EVC: variants seen among roughly 807,000 people sequenced by gnomAD.
EVC encodes evC complex member EVC.
EVC carries 116 observed loss-of-function variants against 118.9 expected under a neutral mutation model. The ratio of observed to expected loss-of-function variants is 0.98; its 90% CI spans 0.84 to 1.14. The LOEUF is 1.14. Among genes scored for constraint, EVC ranks in the 50% most tolerant of loss-of-function variants. The pLI, the probability that EVC is intolerant of heterozygous loss-of-function variation, is 0.00. For missense variants in EVC, 1,401 were observed against 1,246.4 expected (o/e 1.12, Z -1.87); for synonymous variants, 619 against 534.7 (o/e 1.16, Z -2.18).
At chr4:5,730,710 G>C (rs1266504035) in intron 3 of EVC, among the ~76,000 whole-genome samples, 1 of 151,996 alleles carries the variant, frequency 6.6e-6, no homozygotes, top group African/African-American at 2.4e-5. Context: ...CCTGGAGGAA[G>C]GGACGCTTCT....
Position 5,752,692 on chromosome 4 carries a change from G to T in EVC, c.1099-144G>T, listed in dbSNP as rs60938393. On this transcript the variant is annotated intron_variant, in intron 8 of 20. Coordinates refer to ENST00000264956, the MANE Select transcript of EVC (RefSeq NM_153717.3). ...ACGCAGATCTCGCTCATGAAGGAGA[G>T]GGGGAGTTCATCCCTCTGAGCTCCG... 14,314 of 821,702 alleles carry T rather than the reference G, an allele frequency of 0.017. 1,306 individuals carry two copies. The African/African-American group carries it at 0.2, about 12-fold the overall frequency. The allele number at this position is 821,702 out of a possible 1,614,324, so 50.9% of individuals were successfully genotyped here.
chr4:5,799,025 G>T (rs538003064), intron 15 of EVC, among the ~76,000 whole-genome samples: 8 of 152,134 alleles, frequency 5.3e-5, no homozygotes, highest in African/African-American at 1.7e-4. Context: ...TAGGCCCTGC[G>T]CTGCATCATC....
intron 11 of EVC, among the ~76,000 whole-genome samples, chr4:5,771,454 A>T (rs10008800): frequency 6.6e-6 from 1 of 151,932 alleles, no homozygotes; most frequent in African/African-American, 2.4e-5. Context: ...TCTTCTTTCC[A>T]TCTCAGGATC....
chr4:5,750,773 G>A (rs1730226600), intron 8 of EVC, among the ~76,000 whole-genome samples: 1 of 152,146 alleles, frequency 6.6e-6, no homozygotes, highest in East Asian at 1.9e-4. Flanking sequence ...AGGAGAAATA[G>A]ACAGCAAAAA....
chr4:5,739,945 A>G (rs1430911698), intron 5 of EVC, among the ~76,000 whole-genome samples: 2 of 151,862 alleles, frequency 1.3e-5, no homozygotes, highest in Non-Finnish European at 2.9e-5. Context: ...GAAAAAGAAA[A>G]TGCCTTATTA....
chr4:5,764,234 G>T (rs1472258668), intron 11 of EVC, among the ~76,000 whole-genome samples: 1 of 142,288 alleles, frequency 7.0e-6, no homozygotes, highest in African/African-American at 2.7e-5. Context: ...AACCAGCCTT[G>T]CATCCCAGGG....
chr4:5,718,385 C>T (rs994028058), intron 1 of EVC, among the ~76,000 whole-genome samples: 2 of 152,036 alleles, frequency 1.3e-5, no homozygotes, highest in African/African-American at 2.4e-5. Flanking sequence ...CTGAATGAAG[C>T]TTCTGTAACA....
rs756430334 is a variant in EVC at position 5,753,040 on chromosome 4, C to T, written c.1303C>T (p.Arg435Cys). The T allele has an allele frequency of 2.1e-5, 34 of 1,597,892 alleles. No individual in the cohort carries two copies. Among genetic ancestry groups the T allele is most frequent in the African/African-American group, 2.7e-5 (2 of 74,778 alleles). ...QHKAFWQEAERFSREFVQRGK... is the reference protein window; with the variant it reads ...QHKAFWQEAECFSREFVQRGK... ...CAAGGCCTTCTGGCAGGAGGCAGAGCGCTTCAGCCGGGGTGAGCCGTGGGC... is the reference window on the plus strand; with the variant it reads ...CAAGGCCTTCTGGCAGGAGGCAGAGTGCTTCAGCCGGGGTGAGCCGTGGGC... Residue 435 changes from arginine to cysteine, a missense_variant, in exon 9 of 21, where the codon CGC becomes TGC. By Grantham distance (180) the Arg-to-Cys change is radical (BLOSUM62 -3). Coordinates refer to ENST00000264956, the MANE Select transcript of EVC (RefSeq NM_153717.3).
downstream of EVC, among the ~76,000 whole-genome samples, chr4:5,814,524 CA>C (rs1399928474): frequency 6.6e-6 from 1 of 152,152 alleles, no homozygotes; most frequent in Non-Finnish European, 1.5e-5. Context: ...TTCTCCAACG[CA>C]AATCTGCCTG....
chr4:5,826,531 G>C, the EVC span: 1 of 152,328 alleles, frequency 6.6e-6, no homozygotes, highest in Non-Finnish European at 1.5e-5. Flanking sequence ...CACTGGGAAA[G>C]GGTTGTGGGG....
intron 11 of EVC, among the ~76,000 whole-genome samples, chr4:5,776,373 G>A (rs1462226970): frequency 7.2e-5 from 11 of 152,042 alleles, no homozygotes; most frequent in Non-Finnish European, 1.3e-4. Context: ...GGTGCTGGCC[G>A]TTCATTTATT....
At chr4:5,796,160 G>A (rs989868428) in intron 13 of EVC, among the ~76,000 whole-genome samples, 3 of 151,944 alleles carry the variant, frequency 2.0e-5, no homozygotes, top group Non-Finnish European at 4.4e-5. Context: ...TTGATTCCTT[G>A]TATAGTTTCC....
At chr4:5,793,118 C>T (rs1303322795) in intron 12 of EVC, among the ~76,000 whole-genome samples, 1 of 152,072 alleles carries the variant, frequency 6.6e-6, no homozygotes, top group African/African-American at 2.4e-5. Context: ...AAGGCAGGAC[C>T]TACCCTCGCT....
chr4:5,794,473 C>CT (rs1713564799), intron 13 of EVC, among the ~76,000 whole-genome samples: 4 of 150,156 alleles, frequency 2.7e-5, no homozygotes. Context: ...GTGGTGCAAT[C>CT]TTGGCTCACT....
At chr4:5,760,702 G>A (rs899438518) in intron 11 of EVC, among the ~76,000 whole-genome samples, 2 of 152,116 alleles carry the variant, frequency 1.3e-5, no homozygotes, top group African/African-American at 4.8e-5. Flanking sequence ...ACAGGCATGT[G>A]CCACCACGCC....
intron 12 of EVC, among the ~76,000 whole-genome samples, chr4:5,785,555 T>A (rs571446505): frequency 1.6e-4 from 25 of 152,368 alleles, no homozygotes; most frequent in Middle Eastern, 3.4e-3. Flanking sequence ...CCTAGTTGCC[T>A]GCCCGAATGA....
chr4:5,785,408 A>C (rs1395614746), intron 12 of EVC, among the ~76,000 whole-genome samples: 16 of 152,230 alleles, frequency 1.1e-4, no homozygotes, highest in Non-Finnish European at 8.8e-5. Flanking sequence ...TAGTTACAAA[A>C]GACCAGTGTG....
chr4:5,799,813 C>G (rs868013037), intron 15 of EVC, among the ~76,000 whole-genome samples: 3 of 152,220 alleles, frequency 2.0e-5, no homozygotes, highest in Non-Finnish European at 4.4e-5. Context: ...CTGTCTTATT[C>G]TAAATATCTC....
At chr4:5,801,806 T>C (rs1173031621) in intron 15 of EVC, 144 bp from the exon 16 acceptor site, 12 of 839,620 alleles carry the variant, frequency 1.4e-5, no homozygotes, top group Admixed American at 8.1e-5. Flanking sequence ...AGCCATGCAC[T>C]CTCTGCCTGC....
Sources: allele counts gnomAD v4.1 joint callset (sites outside exome capture counted in the v4.1 genomes callset), GRCh38; gene constraint gnomAD v4.1.1; transcripts MANE v1.5; gene names NCBI Gene and HGNC (gene_info 2026-07-23, HGNC 2026-07-21).